The following PLXNB3 variants were observed in gnomAD, a reference collection of about 807,000 sequenced individuals.
PLXNB3 encodes the protein plexin-B3.
Under a neutral mutation model 125.7 loss-of-function variants are expected in PLXNB3, and 80 were observed. The observed-to-expected ratio is 0.64, with a 90% CI of 0.53 to 0.77. The LOEUF is 0.77. PLXNB3 is among the 30% of genes least tolerant of loss of function. The probability of loss-of-function intolerance (pLI) is 0.00; values close to 1 mark genes in which losing one functional copy is unlikely to be tolerated. For missense variants in PLXNB3, 1,836 were observed against 1,729.3 expected, an observed-to-expected ratio of 1.06 and a Z score of -1.09; for synonymous variants, 954 against 783.3, an observed-to-expected ratio of 1.22 and a Z score of -3.64.
At chrX:153,777,759 C>A in intron 31 of PLXNB3, 71 bp downstream of exon 31, 1 of 1,132,462 alleles carries the variant, frequency 8.8e-7, no homozygotes, top group South Asian at 1.9e-5. Flanking sequence ...AGGACATTCC[C>A]AGGGTGGATG....
At position 153,774,898 on chromosome X, in the gene PLXNB3, C is replaced by A. The variant is rs1389267527; in HGVS notation, c.3950C>A (p.Thr1317Asn). The change falls in exon 24 of 36, where the codon ACC becomes AAC. Residue 1317 changes from threonine (T) to asparagine (N), a missense_variant. Transcript: ENST00000361971. ...KEFTDLMTEM[T>N]DLSSDLEGSG... ...CCCGCAGACCTCATGACGGAGATGA[C>A]CGACCTCAGCAGCGACCTGGAGGGC... is the stretch of plus-strand genomic sequence containing the variant. 1.7e-6 allele frequency: 2 copies of A among 1,194,521 alleles called. No individual in the cohort carries two copies. Among genetic ancestry groups the A allele is most frequent in the Admixed American group, 2.2e-5 (1 of 44,843 alleles).
At position 153,771,372 on chromosome X, in the gene PLXNB3, C is replaced by T. The variant is rs192415454; in HGVS notation, c.2316C>T (p.Ala772=). 3 of 1,209,486 alleles carry T rather than the reference C, an allele frequency of 2.5e-6. No homozygotes were observed. Among genetic ancestry groups the T allele is most frequent in the African/African-American group, 1.7e-5 (1 of 57,576 alleles). The change falls in exon 13 of 36, where the codon GCC becomes GCT. Residue 772 remains alanine (A), a synonymous_variant. Transcript: ENST00000361971. ...CCATCTACGTCACCCAGGGTGAAGC[C>T]CAGAGGCTGGACAACACCCATGCTC... ...PVPIYVTQGE[A]QRLDNTHALY...
chrX:153,767,428 C>T lies in PLXNB3; in HGVS notation c.601C>T (p.Pro201Ser). The change falls in exon 3 of 36, where the codon CCA becomes TCA. Residue 201 changes from proline (P) to serine (S), a missense_variant. Physicochemically the swap from Pro to Ser is moderately conservative, Grantham distance 74. Coordinates refer to ENST00000361971, the MANE Select transcript of PLXNB3 (RefSeq NM_005393.3). ...GGCGGGCAAGCTGTCGGCAGGGGTG[C>T]CACCCCTGGCCATCCGCCAGCTGGC... ...GLAGKLSAGV[P>S]PLAIRQLAGS... 8.4e-7 allele frequency: 1 copy of T among 1,184,557 alleles called. No homozygotes were observed. Among genetic ancestry groups the T allele is most frequent in the Non-Finnish European group, 1.1e-6 (1 of 881,118 alleles).
In PLXNB3 at chrX:153,765,501, C is replaced by T. The variant is rs1557058837; in HGVS notation, c.-35C>T. 8.5e-7 allele frequency: 1 copy of T among 1,178,435 alleles called. No homozygotes were observed. The highest frequency in any genetic ancestry group is 3.1e-5 in the East Asian group (1 of 32,097). The stretch of plus-strand genomic sequence containing the variant: ...TGCCCCCCCGCAGCCATCTCATGCC[C>T]ATCGCCACTGCCCTGGGGCAGCTGA... On this transcript the variant is annotated 5_prime_UTR_variant, in exon 2 of 36. Transcript: ENST00000361971.
chrX:153,777,177 T>C, intron 29 of PLXNB3, 31 bp from the exon 30 acceptor site: 1 of 1,123,222 alleles, frequency 8.9e-7, no homozygotes, highest in South Asian at 2.1e-5. Context: ...GCAGGGGGTA[T>C]AGCCCTGAAG....
chrX:153,767,850 C>T lies in PLXNB3; in HGVS notation c.1023C>T (p.Pro341=). 3 of 1,136,177 alleles carry T rather than the reference C, an allele frequency of 2.6e-6. No homozygotes were observed. Among genetic ancestry groups the T allele is most frequent in the Non-Finnish European group, 2.3e-6 (2 of 859,686 alleles). 93.6% of individuals were successfully genotyped at this position (1,136,177 alleles called of 1,213,427 possible). A position where few individuals can be genotyped will look rare whatever the true frequency, so the allele number is the denominator to read the frequency against. ...GCTACACGGCGGGCGGCCGGGGCCC[C>T]AGCGGCGCAGAGGAAGCCACCGTGG... The part of the protein sequence containing the change: ...RLCYTAGGRG[P]SGAEEATVEY... Residue 341 remains proline, a synonymous_variant, in exon 3 of 36, where the codon CCC becomes CCT. Transcript: ENST00000361971.
At position 153,773,310 on chromosome X, in the gene PLXNB3, T is replaced by C; in HGVS notation, c.2987T>C (p.Val996Ala). 8.3e-7 allele frequency: 1 copy of C among 1,209,775 alleles called. No individual in the cohort carries two copies. The highest frequency in any genetic ancestry group is 1.1e-6 in the Non-Finnish European group (1 of 894,823). Residue 996 changes from valine to alanine, a missense_variant, in exon 18 of 36, where the codon GTC becomes GCC. Val to Ala is a moderately conservative substitution (Grantham distance 64). Transcript: ENST00000361971. ...CCAGGAGAAGCAGCGGTCCTTGTGG[T>C]CTTTGGCCATGCCCAGCGCACACTG... ...AAPGEAAVLV[V>A]FGHAQRTLLA...
Position 153,771,491 on chromosome X carries a change from C to T in PLXNB3, c.2353C>T (p.Leu785=). 2 of 1,204,832 alleles carry T rather than the reference C, an allele frequency of 1.7e-6. No individual in the cohort carries two copies. The highest frequency in any genetic ancestry group is 3.6e-5 in the South Asian group (2 of 56,137). The change falls in exon 14 of 36, where the codon CTG becomes TTG. Residue 785 remains leucine, a synonymous_variant. Transcript: ENST00000361971. The part of the protein sequence containing the change: ...LDNTHALYVI[L]YDCAMGHPDC... Reference sequence around the variant, plus strand: ...CACTGCCTGACCCTCCCTAGTGATCCTGTACGACTGCGCCATGGGCCACCC... The same window carrying T: ...CACTGCCTGACCCTCCCTAGTGATCTTGTACGACTGCGCCATGGGCCACCC...
intron 12 of PLXNB3, 32 bp downstream of exon 12, chrX:153,771,113 C>T (rs782751189): frequency 8.7e-6 from 10 of 1,144,122 alleles, no homozygotes; most frequent in South Asian, 1.8e-5. Context: ...CCTCTTGCCC[C>T]CAAGCTTCCG....
Position 153,778,966 on chromosome X carries a change from G to C in PLXNB3, c.5657G>C (p.Gly1886Ala). ...IISALEEDPV[G>A]QKLQLACRLQ... is the part of the protein sequence containing the mutation. The stretch of plus-strand genomic sequence containing the variant: ...AGTGCCCTGGAGGAGGACCCTGTGG[G>C]CCAGAAGCTGCAGCTGGCCTGCCGC... Residue 1886 changes from glycine (G) to alanine (A), a missense_variant, in exon 36 of 36, where the codon GGC becomes GCC. By Grantham distance (60) the Gly-to-Ala change is moderately conservative (BLOSUM62 0). Coordinates refer to ENST00000361971, the MANE Select transcript of PLXNB3 (RefSeq NM_005393.3). 3 of 1,194,911 alleles carry C rather than the reference G, an allele frequency of 2.5e-6. No homozygotes were observed. Among genetic ancestry groups the C allele is most frequent in the Non-Finnish European group, 3.4e-6 (3 of 887,581 alleles).
In PLXNB3 at chrX:153,775,774, T is replaced by C. The variant is rs2091979248; in HGVS notation, c.4402-113T>C. On this transcript the variant is annotated intron_variant, in intron 26 of 35. Coordinates refer to ENST00000361971, the MANE Select transcript of PLXNB3 (RefSeq NM_005393.3). ...GACGAAGGCCCGGCAAGGGGGGCTT[T>C]GGAAAGGGAAGGACTTTGAACCCTC... is the stretch of plus-strand genomic sequence containing the variant. 6 of 1,092,926 alleles carry C rather than the reference T, an allele frequency of 5.5e-6. No individual in the cohort carries two copies. The Admixed American group carries it at 1.2e-4, about 22-fold the overall frequency. The allele number at this position is 1,092,926 out of a possible 1,213,427, so 90.1% of individuals were successfully genotyped here. A position where few individuals can be genotyped will look rare whatever the true frequency, so the allele number is the denominator to read the frequency against.
chrX:153,766,214 G>T, intron 2 of PLXNB3: 1 of 1,158,399 alleles, frequency 8.6e-7, no homozygotes, highest in Non-Finnish European at 1.2e-6. Context: ...CGCCAGCATG[G>T]AGCTCACCCC....
rs782452494 is a variant in PLXNB3, at chrX:153,776,076, GGCA to G, written c.4597_4599del (p.Ser1533del). On this transcript the variant is annotated inframe_deletion, in exon 27 of 36. Coordinates refer to ENST00000361971, the MANE Select transcript of PLXNB3 (RefSeq NM_005393.3). Reference sequence around the variant, plus strand: ...GGGGCCCGGGGCTGGCGGGGCCGCAGGCAGCAGCGAGATGCAGCGCGTGCCAGC... The same window carrying G: ...GGGGCCCGGGGCTGGCGGGGCCGCAGGCAGCGAGATGCAGCGCGTGCCAGC... The G allele has an allele frequency of 1.1e-4, 135 of 1,195,213 alleles. No homozygotes were observed. The highest frequency in any genetic ancestry group is 1.4e-4 in the Non-Finnish European group (126 of 888,110).
Position 153,770,077 on chromosome X carries a change from C to A in PLXNB3, c.1630-15C>A. On this transcript the variant is annotated splice_polypyrimidine_tract_variant and intron_variant, in intron 7 of 35. Coordinates refer to ENST00000361971, the MANE Select transcript of PLXNB3 (RefSeq NM_005393.3). ...CTCTGGCTACATCTCCCGGTTTCTCCCCGCTGCATCCCAGGTCACTTTGTC... is the reference window on the plus strand; with the variant it reads ...CTCTGGCTACATCTCCCGGTTTCTCACCGCTGCATCCCAGGTCACTTTGTC... The A allele has an allele frequency of 1.7e-6, 2 of 1,208,659 alleles. No individual in the cohort carries two copies. The highest frequency in any genetic ancestry group is 2.2e-6 in the Non-Finnish European group (2 of 893,880).
chrX:153,771,046 G>T lies in PLXNB3; in HGVS notation c.2218G>T (p.Gly740Trp). The T allele has an allele frequency of 8.3e-7, 1 of 1,209,636 alleles. No individual in the cohort carries two copies. The highest frequency in any genetic ancestry group is 1.1e-6 in the Non-Finnish European group (1 of 894,975). ...GLPATLEETA[G>W]DSGLIHCQAH... ...GCCGGCCACCCTGGAGGAGACAGCA[G>T]GGGATTCAGGCCTCATCCACTGCCA... The change falls in exon 12 of 36, where the codon GGG becomes TGG. Residue 740 changes from glycine to tryptophan, a missense_variant. Coordinates refer to ENST00000361971, the MANE Select transcript of PLXNB3 (RefSeq NM_005393.3).
intron 2 of PLXNB3, chrX:153,766,342 G>T: frequency 8.8e-7 from 1 of 1,141,809 alleles, no homozygotes; most frequent in South Asian, 2.1e-5. Flanking sequence ...TTCTCTCCCT[G>T]TCTGGTCCCT....
intron 16 of PLXNB3, 51 bp downstream of exon 16, chrX:153,772,338 C>A: frequency 1.1e-6 from 1 of 923,442 alleles, no homozygotes; most frequent in Non-Finnish European, 1.5e-6. Flanking sequence ...GGAGGGAGGG[C>A]CAGGAAGGAC....
At chrX:153,768,803 G>A in intron 4 of PLXNB3, 145 bp from the exon 5 acceptor site, 1 of 658,147 alleles carries the variant, frequency 1.5e-6, no homozygotes, top group African/African-American at 2.2e-5. Flanking sequence ...GGTGCTGAGT[G>A]GGGGAAGTGA....
Position 153,771,467 on chromosome X carries a change from A to G in PLXNB3, c.2348-19A>G, listed in dbSNP as rs1359254646. 4 of 1,208,091 alleles carry G rather than the reference A, an allele frequency of 3.3e-6. No homozygotes were observed. The highest frequency in any genetic ancestry group is 4.5e-6 in the Non-Finnish European group (4 of 893,583). On this transcript the variant is annotated intron_variant, in intron 13 of 35. Coordinates refer to ENST00000361971, the MANE Select transcript of PLXNB3 (RefSeq NM_005393.3). ...GTGGCAGACAGGAGGCGCTCAGCACACTGCCTGACCCTCCCTAGTGATCCT... is the reference window on the plus strand; with the variant it reads ...GTGGCAGACAGGAGGCGCTCAGCACGCTGCCTGACCCTCCCTAGTGATCCT...
Sources: allele counts gnomAD v4.1 joint callset, GRCh38; gene constraint gnomAD v4.1.1; transcripts MANE v1.5; gene names NCBI Gene and HGNC (gene_info 2026-07-23, HGNC 2026-07-21).